The following DLGAP1 variants were observed in gnomAD, a reference collection of about 807,000 sequenced individuals.
DLGAP1 encodes the protein disks large-associated protein 1.
DLGAP1 carries 11 observed loss-of-function variants against 90.8 expected under a neutral mutation model. The ratio of observed to expected loss-of-function variants is 0.12; its 90% CI spans 0.08 to 0.20. The LOEUF is 0.20. Among genes scored for constraint, DLGAP1 ranks in the 10% least tolerant of loss-of-function variants. DLGAP1 has a pLI of 1.00. For missense variants in DLGAP1, 1,050 were observed against 1,333.8 expected, an observed-to-expected ratio of 0.79 and a Z score of 3.31; for synonymous variants, 558 against 540.7, an observed-to-expected ratio of 1.03 and a Z score of -0.44.
chr18:3,664,218 C>CACA lies in DLGAP1; in HGVS notation c.1591+64916_1591+64917insTGT, dbSNP rs1555620386. Reference sequence around the variant, plus strand: ...CACACACACACACACACACACACACCCACACACACACACACACACGGATAT... The same window carrying CACA: ...CACACACACACACACACACACACACCACACACACACACACACACACACGGATAT... On this transcript the variant is annotated intron_variant, in intron 7 of 12. Coordinates refer to ENST00000315677, the MANE Select transcript of DLGAP1 (RefSeq NM_004746.4). Among the ~76,000 whole-genome samples the CACA allele has an allele frequency of 2.4e-3, 180 of 75,818 alleles. 1 individual carries two copies. The highest frequency in any genetic ancestry group is 8.8e-3 in the African/African-American group (151 of 17,232). 49.7% of individuals were successfully genotyped at this position (75,818 alleles called of 152,430 possible).
At chr18:3,642,173 A>C (rs933380398) in intron 7 of DLGAP1, among the ~76,000 whole-genome samples, 3 of 152,206 alleles carry the variant, frequency 2.0e-5, no homozygotes, top group African/African-American at 4.8e-5. Flanking sequence ...AAGCATTGGT[A>C]CTGCAGGTTG....
At chr18:3,872,225 C>CAAAAAAAAAAAAA (rs5822772) in intron 4 of DLGAP1, among the ~76,000 whole-genome samples, 14 of 87,080 alleles carry the variant, frequency 1.6e-4, no homozygotes, top group South Asian at 4.2e-4. Context: ...CTCTCCAAGA[C>CAAAAAAAAAAAAA]AAAAAAAAAA....
At chr18:3,575,145 G>C (rs1362693343) in intron 8 of DLGAP1, among the ~76,000 whole-genome samples, 1 of 152,098 alleles carries the variant, frequency 6.6e-6, no homozygotes, top group Non-Finnish European at 1.5e-5. Context: ...CTTTCAAATA[G>C]TAACCATTCC....
chr18:3,640,046 A>G (rs539077009), intron 7 of DLGAP1, among the ~76,000 whole-genome samples: 137 of 151,814 alleles, frequency 9.0e-4, no homozygotes, highest in Middle Eastern at 3.5e-3. Context: ...GAGCCACGGC[A>G]CCCGGCCCCA....
At chr18:4,109,471 G>GTT (rs922823007) in intron 2 of DLGAP1, among the ~76,000 whole-genome samples, 6 of 152,166 alleles carry the variant, frequency 3.9e-5, no homozygotes, top group Non-Finnish European at 4.4e-5. Context: ...ACATTCCATG[G>GTT]TTACTGTAGT....
intron 7 of DLGAP1, chr18:3,607,658 T>C (rs554750236): frequency 6.6e-6 from 1 of 152,226 alleles, no homozygotes; most frequent in Non-Finnish European, 1.5e-5. Context: ...CAATTTCTTA[T>C]CTGGCTGCTT....
intron 1 of DLGAP1, among the ~76,000 whole-genome samples, chr18:4,181,298 C>G (rs2144661282): frequency 6.6e-6 from 1 of 152,244 alleles, no homozygotes; most frequent in African/African-American, 2.4e-5. Context: ...AAATATGCTT[C>G]CCTCCTGAAA....
At chr18:4,026,132 G>A (rs2074695292) in intron 2 of DLGAP1, among the ~76,000 whole-genome samples, 1 of 151,734 alleles carries the variant, frequency 6.6e-6, no homozygotes, top group Non-Finnish European at 1.5e-5. Context: ...TTCTTAAGTT[G>A]GTTCCTCTTG....
At chr18:3,861,493 C>T (rs1427294107) in intron 4 of DLGAP1, among the ~76,000 whole-genome samples, 2 of 152,150 alleles carry the variant, frequency 1.3e-5, no homozygotes, top group Admixed American at 1.3e-4. Context: ...CTCACCCACT[C>T]CCCTGACTTT....
chr18:4,129,286 A>G (rs1402803872), intron 2 of DLGAP1, among the ~76,000 whole-genome samples: 3 of 152,202 alleles, frequency 2.0e-5, no homozygotes, highest in African/African-American at 4.8e-5. Flanking sequence ...AGAGAAACCC[A>G]TAAGGAGCTT....
At chr18:4,181,346 C>T (rs1352233700) in intron 1 of DLGAP1, among the ~76,000 whole-genome samples, 3 of 152,080 alleles carry the variant, frequency 2.0e-5, no homozygotes, top group Non-Finnish European at 2.9e-5. Context: ...GAAATGTCAC[C>T]AGAGATACAT....
intron 3 of DLGAP1, among the ~76,000 whole-genome samples, chr18:3,959,465 G>C (rs752002269): frequency 6.6e-6 from 1 of 152,026 alleles, no homozygotes; most frequent in African/African-American, 2.4e-5. Flanking sequence ...TCAGGAGTCC[G>C]AGACCAGCCT....
intron 3 of DLGAP1, among the ~76,000 whole-genome samples, chr18:3,926,052 A>G (rs184391962): frequency 3.9e-5 from 6 of 152,314 alleles, no homozygotes; most frequent in Admixed American, 3.9e-4. Flanking sequence ...CTTTCAGTGC[A>G]TTCTAGGATT....
chr18:3,924,082 C>G (rs1290228304), intron 3 of DLGAP1, among the ~76,000 whole-genome samples: 2 of 152,148 alleles, frequency 1.3e-5, no homozygotes, highest in African/African-American at 4.8e-5. Context: ...TTAAAAGTGT[C>G]AGTGATGTCA....
At chr18:4,423,114 A>G (rs1032325479) in intron 1 of DLGAP1, among the ~76,000 whole-genome samples, 2 of 152,176 alleles carry the variant, frequency 1.3e-5, no homozygotes, top group African/African-American at 4.8e-5. Context: ...ACCTAAAAAA[A>G]TTCCCATGAA....
chr18:3,803,398 G>A (rs1262552274), intron 5 of DLGAP1, among the ~76,000 whole-genome samples: 4 of 152,086 alleles, frequency 2.6e-5, no homozygotes, highest in Non-Finnish European at 5.9e-5. Flanking sequence ...CAAACCCCAG[G>A]AGGAGGCCAG....
At chr18:3,605,825 AT>A (rs11301972) in intron 7 of DLGAP1, among the ~76,000 whole-genome samples, 119,651 of 151,810 alleles carry the variant, frequency 0.79, 47,449 homozygotes, top group African/African-American at 0.86. Context: ...GCGGCAGGAG[AT>A]TTTTTTTGCC....
At chr18:4,218,567 C>T (rs1211088540) in intron 1 of DLGAP1, among the ~76,000 whole-genome samples, 3 of 151,854 alleles carry the variant, frequency 2.0e-5, no homozygotes, top group Non-Finnish European at 4.4e-5. Flanking sequence ...AAAGCTTATT[C>T]CTCCGATCTA....
intron 9 of DLGAP1, among the ~76,000 whole-genome samples, chr18:3,550,734 C>CTTTTTTTTTT (rs1165404588): frequency 2.3e-5 from 2 of 85,204 alleles, no homozygotes; most frequent in African/African-American, 4.1e-5. Flanking sequence ...GAACCAGACC[C>CTTTTTTTTTT]TTTTTTTTTT....
Sources: gnomAD v4.1 joint callset for allele counts (sites outside exome capture counted in the v4.1 genomes callset) on GRCh38, gnomAD v4.1.1 for gene constraint, MANE v1.5 for transcripts, NCBI Gene and HGNC (gene_info 2026-07-23, HGNC 2026-07-21) for gene names.